The following NRXN3 variants were observed in gnomAD, a reference collection of about 807,000 sequenced individuals.
NRXN3 encodes neurexin III.
NRXN3 carries 32 observed loss-of-function variants against 137.6 expected under a neutral mutation model. The observed-to-expected ratio is 0.23, with a 90% confidence interval of 0.18 to 0.31. The LOEUF (loss-of-function observed/expected upper bound fraction) is 0.31. Ranked by LOEUF, NRXN3 falls within the 10% of genes least tolerant of loss-of-function variation. NRXN3 has a pLI of 1.00. For synonymous variants in NRXN3, 798 were observed against 784.5 expected (o/e 1.02, Z -0.29); for missense variants, 1,574 against 2,062.5 (o/e 0.76, Z 4.59).
intron 10 of NRXN3, among the ~76,000 whole-genome samples, chr14:78,832,827 T>C (rs2098986132): frequency 6.6e-6 from 1 of 152,222 alleles, no homozygotes; most frequent in South Asian, 2.1e-4. Context: ...AGAACTCATC[T>C]TGTTATGTAG....
At chr14:78,196,555 G>T (rs2061247925) in intron 1 of NRXN3, among the ~76,000 whole-genome samples, 3 of 152,194 alleles carry the variant, frequency 2.0e-5, no homozygotes, top group African/African-American at 7.2e-5. Context: ...ACATATGACT[G>T]TAGTATGGTG....
At chr14:78,261,950 G>A (rs778461065) in intron 2 of NRXN3, among the ~76,000 whole-genome samples, 4 of 152,208 alleles carry the variant, frequency 2.6e-5, no homozygotes, top group Non-Finnish European at 4.4e-5. Flanking sequence ...ACTTACAAAT[G>A]AGTGGATTTT....
chr14:79,274,992 A>G (rs1387750621), intron 15 of NRXN3, among the ~76,000 whole-genome samples: 2 of 152,244 alleles, frequency 1.3e-5, no homozygotes, highest in Non-Finnish European at 2.9e-5. Flanking sequence ...AAAAGAATAA[A>G]GCTTCTCTTC....
At chr14:79,182,747 A>G (rs994475167) in intron 15 of NRXN3, among the ~76,000 whole-genome samples, 2 of 152,200 alleles carry the variant, frequency 1.3e-5, no homozygotes, top group Admixed American at 6.5e-5. Context: ...CATGGAACCT[A>G]TATTCTAGTA....
At position 79,546,195 on chromosome 14, in the gene NRXN3, C is replaced by T. The variant is rs921415733; in HGVS notation, c.3444+78793C>T. Among the ~76,000 whole-genome samples the T allele has an allele frequency of 3.3e-5, 5 of 152,084 alleles. No homozygotes were observed. The South Asian group carries it at 6.2e-4, about 19-fold the overall frequency. On this transcript the variant is annotated intron_variant, in intron 16 of 20. Transcript: ENST00000335750. ...AGTCTTGGATATGTCTTTATCAGCACCATGAAAATGGACTAATATATAGAT... is the reference window on the plus strand; with the variant it reads ...AGTCTTGGATATGTCTTTATCAGCATCATGAAAATGGACTAATATATAGAT...
intron 19 of NRXN3, among the ~76,000 whole-genome samples, chr14:79,728,249 T>C (rs1335277324): frequency 6.6e-6 from 1 of 152,192 alleles, no homozygotes; most frequent in Non-Finnish European, 1.5e-5. Context: ...TTAGTCCAGC[T>C]ACTTGATAGC....
chr14:79,716,895 C>T (rs1274199478), intron 19 of NRXN3, among the ~76,000 whole-genome samples: 1 of 152,142 alleles, frequency 6.6e-6, no homozygotes, highest in Non-Finnish European at 1.5e-5. Flanking sequence ...CATTTCCACC[C>T]AAACCTGATG....
chr14:78,367,049 C>A (rs1323593339), intron 4 of NRXN3, among the ~76,000 whole-genome samples: 1 of 152,140 alleles, frequency 6.6e-6, no homozygotes, highest in East Asian at 1.9e-4. Flanking sequence ...AGACTCATTG[C>A]CCACTCTCTG....
At chr14:79,532,684 C>A (rs1345974) in intron 16 of NRXN3, among the ~76,000 whole-genome samples, 41,168 of 152,010 alleles carry the variant, frequency 0.27, 6,397 homozygotes, top group African/African-American at 0.42. Context: ...AATATAACCA[C>A]CCCTACACTC....
chr14:79,488,304 C>T (rs1378834038), intron 16 of NRXN3, among the ~76,000 whole-genome samples: 1 of 152,174 alleles, frequency 6.6e-6, no homozygotes, highest in African/African-American at 2.4e-5. Context: ...TGAAGAGTCA[C>T]TTAACTTGTG....
intron 15 of NRXN3, among the ~76,000 whole-genome samples, chr14:79,233,393 A>G (rs1027912011): frequency 1.3e-4 from 20 of 152,162 alleles, no homozygotes; most frequent in African/African-American, 4.1e-4. Flanking sequence ...CATGCACTCC[A>G]GTACAACTTG....
At chr14:78,651,118 G>A (rs756651077) in intron 5 of NRXN3, 47 bp from the exon 6 acceptor site, 160 of 1,582,288 alleles carry the variant, frequency 1.0e-4, no homozygotes, top group Middle Eastern at 1.7e-4. Flanking sequence ...TGATAGGATC[G>A]TAAGGTCATT....
intron 19 of NRXN3, among the ~76,000 whole-genome samples, chr14:79,739,821 C>T (rs930188180): frequency 4.6e-5 from 7 of 152,030 alleles, no homozygotes; most frequent in Non-Finnish European, 8.8e-5. Flanking sequence ...CGTTATTTAC[C>T]ACTATTTCCC....
intron 6 of NRXN3, among the ~76,000 whole-genome samples, chr14:78,684,326 A>G (rs1461062696): frequency 6.6e-6 from 1 of 152,176 alleles, no homozygotes; most frequent in African/African-American, 2.4e-5. Flanking sequence ...TGAGGTTAAA[A>G]AATGCTTATA....
intron 4 of NRXN3, among the ~76,000 whole-genome samples, chr14:78,441,356 A>T (rs1367724356): frequency 6.6e-6 from 1 of 151,822 alleles, no homozygotes; most frequent in African/African-American, 2.4e-5. Flanking sequence ...CTTCATCAGA[A>T]TTTTCTTCCC....
chr14:78,571,920 G>A (rs1342624477), intron 4 of NRXN3, among the ~76,000 whole-genome samples: 2 of 152,098 alleles, frequency 1.3e-5, no homozygotes, highest in African/African-American at 4.8e-5. Context: ...ACAACTAAAT[G>A]CTTCTTATGC....
chr14:79,128,516 A>T (rs575211919), intron 15 of NRXN3, among the ~76,000 whole-genome samples: 5,950 of 151,054 alleles, frequency 0.039, 328 homozygotes, highest in African/African-American at 0.14. Context: ...CTTGTATCCC[A>T]GGGATGAAGC....
intron 15 of NRXN3, among the ~76,000 whole-genome samples, chr14:79,296,225 A>T (rs1047777801): frequency 3.3e-5 from 5 of 152,150 alleles, no homozygotes; most frequent in Admixed American, 6.6e-5. Context: ...ATGAAAAAAT[A>T]GAGTGAGTGG....
chr14:79,448,237 A>G (rs2096098512), intron 15 of NRXN3, among the ~76,000 whole-genome samples: 1 of 152,082 alleles, frequency 6.6e-6, no homozygotes, highest in African/African-American at 2.4e-5. Flanking sequence ...TTCAGAAGAC[A>G]TGGGGCATTC....
Sources: allele counts gnomAD v4.1 joint callset (sites outside exome capture counted in the v4.1 genomes callset), GRCh38; gene constraint gnomAD v4.1.1; transcripts MANE v1.5; gene names NCBI Gene and HGNC (gene_info 2026-07-23, HGNC 2026-07-21).